MLXIPL: variants seen among roughly 807,000 people sequenced by gnomAD.
The protein encoded by MLXIPL is MLX interacting protein like.
Under a neutral mutation model 81.5 loss-of-function variants are expected in MLXIPL, and 49 were observed. The ratio of observed to expected loss-of-function variants is 0.60; its 90% CI spans 0.48 to 0.76. The LOEUF (loss-of-function observed/expected upper bound fraction) is 0.76. MLXIPL is among the 30% of genes least tolerant of loss of function. The probability of loss-of-function intolerance (pLI) is 0.00; values close to 1 mark genes in which losing one functional copy is unlikely to be tolerated. For synonymous variants in MLXIPL, 466 were observed against 485.5 expected, an observed-to-expected ratio of 0.96 and a Z score of 0.53; for missense variants, 1,053 against 1,167.0, an observed-to-expected ratio of 0.90 and a Z score of 1.42.
intron 16 of MLXIPL, 42 bp downstream of exon 16, chr7:73,594,232 G>A (rs782163000): frequency 9.3e-5 from 149 of 1,608,904 alleles, no homozygotes; most frequent in Non-Finnish European, 1.2e-4. Context: ...CTCCACCCCC[G>A]AGGCTGGGTC....
intron 1 of MLXIPL, among the ~76,000 whole-genome samples, chr7:73,617,592 C>T (rs1460678582): frequency 2.6e-5 from 4 of 152,174 alleles, no homozygotes; most frequent in African/African-American, 9.7e-5. Context: ...CGGTTGTAAT[C>T]CCAACACTTT....
chr7:73,606,991 G>C lies in MLXIPL; in HGVS notation c.601C>G (p.Leu201Val). ...RLRKPSREDD[L>V]LAPKQAEGRW... ...GCACCCACCTGCTTAGGGGCCAGGAGGTCATCTTCCCTGCTGGGCTTACGG... is the reference window on the plus strand; with the variant it reads ...GCACCCACCTGCTTAGGGGCCAGGACGTCATCTTCCCTGCTGGGCTTACGG... Residue 201 changes from leucine (L) to valine (V), a missense_variant, in exon 5 of 17, where the codon CTC becomes GTC. Physicochemically the swap from Leu to Val is conservative, Grantham distance 32. Transcript: ENST00000313375. 1 of 1,613,832 alleles carries C rather than the reference G, an allele frequency of 6.2e-7. No homozygotes were observed. The highest frequency in any genetic ancestry group is 1.1e-5 in the South Asian group (1 of 90,968).
chr7:73,629,082 G>T (rs1198268557), upstream of MLXIPL, among the ~76,000 whole-genome samples: 2 of 147,454 alleles, frequency 1.4e-5, no homozygotes, highest in Non-Finnish European at 3.0e-5. Flanking sequence ...TTGCTCTGTC[G>T]CCCAGGCTGG....
intron 15 of MLXIPL, 60 bp downstream of exon 15, chr7:73,595,577 C>T (rs1794209458): frequency 6.2e-7 from 1 of 1,613,684 alleles, no homozygotes; most frequent in Non-Finnish European, 8.5e-7. Context: ...CCAGGCCCAG[C>T]CTGGTCTCAC....
intron 7 of MLXIPL, among the ~76,000 whole-genome samples, chr7:73,604,044 C>T (rs547063174): frequency 2.7e-5 from 4 of 150,190 alleles, no homozygotes; most frequent in Non-Finnish European, 5.9e-5. Context: ...GGCAAAACCC[C>T]GTCTCTACTA....
At chr7:73,626,689 A>G (rs1392145848), upstream of MLXIPL, among the ~76,000 whole-genome samples, 17 of 152,128 alleles carry the variant, frequency 1.1e-4, no homozygotes, top group African/African-American at 4.1e-4. Context: ...AACACACCCA[A>G]GCATCTCTGA....
chr7:73,635,613 CATCT>C, the MLXIPL span, among the ~76,000 whole-genome samples: 3 of 151,474 alleles, frequency 2.0e-5, no homozygotes, highest in Non-Finnish European at 4.4e-5. Flanking sequence ...TCCATCCATC[CATCT>C]CTCTCCATCC....
rs1175904871 is a variant in MLXIPL, at chr7:73,623,152, G to T, written c.293+1048C>A. Among the ~76,000 whole-genome samples, 2 of 152,172 alleles carry T rather than the reference G, an allele frequency of 1.3e-5. No homozygotes were observed. Among genetic ancestry groups the T allele is most frequent in the South Asian group, 2.1e-4 (1 of 4,828 alleles). ...TCGCAGCTGGGCGGCTGCGGTTGGG[G>T]GCAGGCAACACTCCCCTCACAGTCC... On this transcript the variant is annotated intron_variant, in intron 1 of 16. Transcript: ENST00000313375. The surrounding 1 kb of genome is among the most constrained non-coding windows in gnomAD (Gnocchi z 5.7).
intron 1 of MLXIPL, among the ~76,000 whole-genome samples, chr7:73,621,851 C>T (rs1239992705): frequency 1.1e-5 from 1 of 88,326 alleles, no homozygotes; most frequent in African/African-American, 4.3e-5. Context: ...ATCTCCCTCC[C>T]TCCCTCCTTC....
In MLXIPL at chr7:73,601,536, G is replaced by A. The variant is rs72649018; in HGVS notation, c.902-1841C>T. 1.7e-3 allele frequency among the ~76,000 whole-genome samples: 254 copies of A among 152,158 alleles called. 1 individual carries two copies. The highest frequency in any genetic ancestry group is 4.6e-3 in the South Asian group (22 of 4,820). Reference sequence around the variant, plus strand: ...CCAGGGTGGGAAAGGGGTGCAGGGCGAGGGGAGGAAGTTAGCCACCGTGCC... The same window carrying A: ...CCAGGGTGGGAAAGGGGTGCAGGGCAAGGGGAGGAAGTTAGCCACCGTGCC... On this transcript the variant is annotated intron_variant, in intron 7 of 16. Coordinates refer to ENST00000313375, the MANE Select transcript of MLXIPL (RefSeq NM_032951.3).
upstream of MLXIPL, among the ~76,000 whole-genome samples, chr7:73,627,322 C>G (rs887446904): frequency 9.3e-5 from 14 of 151,142 alleles, no homozygotes; most frequent in African/African-American, 3.4e-4. Context: ...GATCTCAGCT[C>G]ACTGCAACCT....
chr7:73,631,519 T>C, the MLXIPL span, among the ~76,000 whole-genome samples: 1 of 148,534 alleles, frequency 6.7e-6, no homozygotes, highest in Non-Finnish European at 1.5e-5. Flanking sequence ...TCAGGGTGAC[T>C]AGAAGGGCTC....
chr7:73,631,938 C>CTT, the MLXIPL span, among the ~76,000 whole-genome samples: 1 of 137,192 alleles, frequency 7.3e-6, no homozygotes, highest in African/African-American at 2.7e-5. Context: ...CTCCCCTCCT[C>CTT]TTCTTTTCTC....
chr7:73,595,355 C>T (rs1373270413), intron 15 of MLXIPL, among the ~76,000 whole-genome samples: 2 of 152,154 alleles, frequency 1.3e-5, no homozygotes. Flanking sequence ...TTCAGATTCT[C>T]CCAAACTGCC....
chr7:73,624,722 A>AG (rs1796627293), upstream of MLXIPL: 1 of 478,892 alleles, frequency 2.1e-6, no homozygotes, highest in Admixed American at 6.4e-5. Context: ...CTTTCCTTGG[A>AG]GTCCTGATAG....
chr7:73,633,154 C>T, the MLXIPL span, among the ~76,000 whole-genome samples: 11 of 150,736 alleles, frequency 7.3e-5, no homozygotes, highest in Non-Finnish European at 1.3e-4. Flanking sequence ...GATCTCGGCT[C>T]ACTGCAAGCT....
chr7:73,616,903 G>A (rs956290098), intron 1 of MLXIPL, among the ~76,000 whole-genome samples: 1 of 151,706 alleles, frequency 6.6e-6, no homozygotes, highest in South Asian at 2.1e-4. Flanking sequence ...GAAAGGGGCA[G>A]GTCCGAGGTC....
the MLXIPL span, among the ~76,000 whole-genome samples, chr7:73,644,487 G>A: frequency 1.8e-4 from 27 of 152,266 alleles, 1 homozygote; most frequent in East Asian, 3.3e-3. Context: ...TAAAATTGCA[G>A]ACACGAGCCA....
chr7:73,626,524 T>G (rs1222191176), upstream of MLXIPL, among the ~76,000 whole-genome samples: 2 of 152,072 alleles, frequency 1.3e-5, no homozygotes, highest in East Asian at 3.8e-4. Flanking sequence ...GTTTTGGGAT[T>G]ACAAGTGTGA....
Sources: allele counts gnomAD v4.1 joint callset (sites outside exome capture counted in the v4.1 genomes callset), GRCh38; gene constraint gnomAD v4.1.1; non-coding constraint Gnocchi (gnomAD v3.1); transcripts MANE v1.5; gene names NCBI Gene and HGNC (gene_info 2026-07-23, HGNC 2026-07-21).